CABCOCO1: variants seen among roughly 807,000 people sequenced by gnomAD.
CABCOCO1 encodes ciliary-associated calcium-binding coiled-coil protein 1.
In CABCOCO1, 28 loss-of-function variants were observed where a neutral mutation model predicts 35.7. The ratio of observed to expected loss-of-function variants is 0.78; its 90% CI spans 0.58 to 1.07. The LOEUF (loss-of-function observed/expected upper bound fraction) is 1.07. Ranked by LOEUF, CABCOCO1 falls within the 50% of genes least tolerant of loss-of-function variation. The pLI is 0.00. For synonymous variants in CABCOCO1, 95 were observed against 100.1 expected, an observed-to-expected ratio of 0.95 and a Z score of 0.30; for missense variants, 326 against 309.2, an observed-to-expected ratio of 1.05 and a Z score of -0.41.
intron 5 of CABCOCO1, among the ~76,000 whole-genome samples, chr10:61,745,222 T>C (rs1841630665): frequency 6.6e-6 from 1 of 152,194 alleles, no homozygotes; most frequent in African/African-American, 2.4e-5. Context: ...TCTGTTCTTC[T>C]TTATAATCAA....
rs564713124 is a variant in CABCOCO1 at position 61,687,695 on chromosome 10, T to A, written c.479+1510T>A. Reference sequence around the variant, plus strand: ...CAATTAAGTTAAGAGGGGCTGTCCATGTTAGTCACCTTTAGATTCTAACCA... The same window carrying A: ...CAATTAAGTTAAGAGGGGCTGTCCAAGTTAGTCACCTTTAGATTCTAACCA... On this transcript the variant is annotated intron_variant, in intron 4 of 7. Transcript: ENST00000648843. Among the ~76,000 whole-genome samples, 71 of 152,344 alleles carry A rather than the reference T, an allele frequency of 4.7e-4. No individual in the cohort carries two copies. The South Asian group carries it at 0.014, about 30-fold the overall frequency.
At chr10:61,759,983 T>C (rs1267426251) in intron 5 of CABCOCO1, 76 bp from the exon 6 acceptor site, 1 of 1,551,000 alleles carries the variant, frequency 6.4e-7, no homozygotes. Context: ...CTATGGTACA[T>C]ATATAACGGA....
intron 5 of CABCOCO1, among the ~76,000 whole-genome samples, chr10:61,696,949 A>G (rs1393931986): frequency 1.3e-5 from 2 of 152,156 alleles, no homozygotes; most frequent in Non-Finnish European, 2.9e-5. Flanking sequence ...AATAGTTATC[A>G]AGGACCTGCA....
At chr10:61,764,426 A>G (rs1842067638) in intron 7 of CABCOCO1, among the ~76,000 whole-genome samples, 1 of 152,152 alleles carries the variant, frequency 6.6e-6, no homozygotes, top group African/African-American at 2.4e-5. Context: ...ACAAAATTGG[A>G]AGTTGGAATT....
rs146020384 is a variant in CABCOCO1 at position 61,759,310 on chromosome 10, C to T, written c.553-749C>T. 1.2e-4 allele frequency among the ~76,000 whole-genome samples: 19 copies of T among 152,166 alleles called. No homozygotes were observed. In the East Asian group the frequency reaches 3.1e-3, roughly 25 times the overall value. ...TTGCTTATTAAACATGGAATTAGAA[C>T]AACTAATTAAATGAATCAAATGTTT... On this transcript the variant is annotated intron_variant, in intron 5 of 7. Transcript: ENST00000648843.
At position 61,680,649 on chromosome 10, in the gene CABCOCO1, A is replaced by AT. The variant is rs1564532586; in HGVS notation, c.165-493dup. Among the ~76,000 whole-genome samples, 12 of 50,108 alleles carry AT rather than the reference A, an allele frequency of 2.4e-4. 2 individuals are homozygous for AT. The South Asian group carries it at 6.7e-3, about 28-fold the overall frequency. The allele number at this position is 50,108 out of a possible 152,430, so 32.9% of individuals were successfully genotyped here. ...TATACATGTTATACATATATAATAT[A>AT]TATTATGTTATACATGTATAACATA... On this transcript the variant is annotated intron_variant, in intron 2 of 7. Transcript: ENST00000648843.
chr10:61,695,712 C>T (rs916847145), intron 5 of CABCOCO1, among the ~76,000 whole-genome samples: 1 of 151,820 alleles, frequency 6.6e-6, no homozygotes, highest in South Asian at 2.1e-4. Context: ...GCCAGAGGAC[C>T]ATGAAGTAAT....
At chr10:61,707,177 A>G (rs184323993) in intron 5 of CABCOCO1, among the ~76,000 whole-genome samples, 52 of 152,196 alleles carry the variant, frequency 3.4e-4, no homozygotes, top group Admixed American at 2.8e-3. Flanking sequence ...GGGATGCAAC[A>G]CTGAGGAACA....
intron 5 of CABCOCO1, among the ~76,000 whole-genome samples, chr10:61,715,181 T>G (rs1336573435): frequency 6.6e-6 from 1 of 152,216 alleles, no homozygotes; most frequent in East Asian, 1.9e-4. Context: ...ACTTGCTTTA[T>G]GAATCTGGGT....
intron 5 of CABCOCO1, among the ~76,000 whole-genome samples, chr10:61,745,310 C>T (rs542942015): frequency 1.3e-5 from 2 of 152,026 alleles, no homozygotes; most frequent in Non-Finnish European, 2.9e-5. Flanking sequence ...TTTTATATTC[C>T]AGGTCACTTA....
chr10:61,703,028 T>C (rs181355742), intron 5 of CABCOCO1, among the ~76,000 whole-genome samples: 2 of 152,230 alleles, frequency 1.3e-5, no homozygotes, highest in Admixed American at 6.5e-5. Context: ...AGTTACTTTT[T>C]CTTCTATTTG....
Position 61,690,593 on chromosome 10 carries a change from C to T in CABCOCO1, c.524C>T (p.Ala175Val). Reference protein sequence around the residue: ...YKLYEFMFYSAREEIVIGTEQ... With the variant: ...YKLYEFMFYSVREEIVIGTEQ... ...CTATACGAGTTTATGTTCTACTCTG[C>T]CAGGGAAGAAATTGTGATAGGAACT... Residue 175 changes from alanine (A) to valine (V), a missense_variant, in exon 5 of 8, where the codon GCC (alanine) becomes GTC (valine). Coordinates refer to ENST00000648843, the MANE Select transcript of CABCOCO1 (RefSeq NM_001366906.2). The T allele has an allele frequency of 6.2e-7, 1 of 1,605,370 alleles. No homozygotes were observed. The highest frequency in any genetic ancestry group is 1.7e-5 in the Admixed American group (1 of 59,654).
intron 5 of CABCOCO1, among the ~76,000 whole-genome samples, chr10:61,696,145 C>G (rs1243927235): frequency 6.6e-6 from 1 of 152,012 alleles, no homozygotes; most frequent in East Asian, 1.9e-4. Flanking sequence ...AAGTTGACAG[C>G]AAGGTAAGTG....
At chr10:61,729,248 A>G (rs2132051893) in intron 5 of CABCOCO1, among the ~76,000 whole-genome samples, 1 of 152,328 alleles carries the variant, frequency 6.6e-6, no homozygotes, top group South Asian at 2.1e-4. Flanking sequence ...ATGATTGTAC[A>G]TGATGGACTA....
At chr10:61,693,341 A>G (rs927916874) in intron 5 of CABCOCO1, among the ~76,000 whole-genome samples, 1 of 152,148 alleles carries the variant, frequency 6.6e-6, no homozygotes, top group African/African-American at 2.4e-5. Flanking sequence ...CCCCAGCAAT[A>G]TGATTATTCA....
intron 5 of CABCOCO1, among the ~76,000 whole-genome samples, chr10:61,738,395 G>A (rs1487330823): frequency 6.6e-6 from 1 of 152,142 alleles, no homozygotes; most frequent in African/African-American, 2.4e-5. Flanking sequence ...ATAAAATACT[G>A]TCAGGTCAAA....
chr10:61,700,964 CATGTAT>C (rs1840441938), intron 5 of CABCOCO1, among the ~76,000 whole-genome samples: 3 of 151,400 alleles, frequency 2.0e-5, no homozygotes, highest in Admixed American at 1.3e-4. Context: ...CATATACATA[CATGTAT>C]ACATATACAT....
intron 5 of CABCOCO1, among the ~76,000 whole-genome samples, chr10:61,747,774 G>T (rs1009470859): frequency 2.0e-5 from 3 of 150,692 alleles, no homozygotes; most frequent in African/African-American, 7.3e-5. Flanking sequence ...AATATTAGTT[G>T]CCTAATGTAC....
chr10:61,687,935 T>C lies in CABCOCO1; in HGVS notation c.479+1750T>C, dbSNP rs550386791. 4.6e-5 allele frequency among the ~76,000 whole-genome samples: 7 copies of C among 152,228 alleles called. No homozygotes were observed. The South Asian group carries it at 1.5e-3, about 32-fold the overall frequency. ...AGGATATCTGGAATTGAGTCTGCAG[T>C]TGTATAAAAGAAAATATGCTTTCCT... On this transcript the variant is annotated intron_variant, in intron 4 of 7. Coordinates refer to ENST00000648843, the MANE Select transcript of CABCOCO1 (RefSeq NM_001366906.2).
Sources: gnomAD v4.1 joint callset for allele counts (sites outside exome capture counted in the v4.1 genomes callset) on GRCh38, gnomAD v4.1.1 for gene constraint, MANE v1.5 for transcripts, NCBI Gene and HGNC (gene_info 2026-07-23, HGNC 2026-07-21) for gene names.